Variants in CNTN3 observed in about 807,000 individuals in gnomAD.
CNTN3 encodes contactin 3.
In CNTN3, 60 loss-of-function variants were observed where a neutral mutation model predicts 119.1. The ratio of observed to expected loss-of-function variants is 0.50; its 90% CI spans 0.41 to 0.62. The LOEUF is 0.62. CNTN3 is among the 20% of genes least tolerant of loss of function. The pLI is 0.00. For synonymous variants in CNTN3, 450 were observed against 438.7 expected, an observed-to-expected ratio of 1.03 and a Z score of -0.32; for missense variants, 1,101 against 1,242.4, an observed-to-expected ratio of 0.89 and a Z score of 1.71.
chr3:74,409,155 C>T (rs1701396089), intron 5 of CNTN3, among the ~76,000 whole-genome samples: 1 of 152,152 alleles, frequency 6.6e-6, no homozygotes, highest in South Asian at 2.1e-4. Context: ...GACCAGAGCT[C>T]TTAGGTAAAC....
chr3:74,273,485 G>A (rs547514849), intron 20 of CNTN3, among the ~76,000 whole-genome samples: 4 of 152,302 alleles, frequency 2.6e-5, no homozygotes, highest in South Asian at 2.1e-4. Flanking sequence ...TACTGTGATT[G>A]CTCAAACTGT....
chr3:74,427,640 T>A (rs971019861), intron 4 of CNTN3, among the ~76,000 whole-genome samples: 2 of 152,098 alleles, frequency 1.3e-5, no homozygotes, highest in African/African-American at 4.8e-5. Flanking sequence ...ACAGCTATCA[T>A]CATATTTAAT....
intron 3 of CNTN3, among the ~76,000 whole-genome samples, chr3:74,499,117 G>C (rs1204843210): frequency 6.6e-6 from 1 of 151,310 alleles, no homozygotes. Context: ...TCAGTGAAGA[G>C]CAATTGTTTA....
intron 17 of CNTN3, 33 bp downstream of exon 17, chr3:74,299,835 C>A (rs775833815): frequency 3.2e-5 from 50 of 1,575,234 alleles, no homozygotes; most frequent in Admixed American, 2.3e-4. Flanking sequence ...AACAGCAAGA[C>A]CCTGATGGGG....
chr3:74,307,093 G>A (rs1187776834), intron 13 of CNTN3, among the ~76,000 whole-genome samples: 1 of 152,078 alleles, frequency 6.6e-6, no homozygotes, highest in Non-Finnish European at 1.5e-5. Context: ...AACTACACTA[G>A]GGTACTTAGG....
chr3:74,438,196 G>A (rs1701903919), intron 4 of CNTN3, among the ~76,000 whole-genome samples: 1 of 152,110 alleles, frequency 6.6e-6, no homozygotes, highest in Non-Finnish European at 1.5e-5. Flanking sequence ...TTTTAATAGT[G>A]TAGATTAAAA....
intron 2 of CNTN3, among the ~76,000 whole-genome samples, chr3:74,506,667 T>C (rs1703265977): frequency 6.6e-6 from 1 of 150,866 alleles, no homozygotes; most frequent in Non-Finnish European, 1.5e-5. Context: ...AAAGTTAGAA[T>C]GCCATTGTTG....
chr3:74,501,325 C>G (rs1703163224), intron 2 of CNTN3, among the ~76,000 whole-genome samples: 1 of 151,964 alleles, frequency 6.6e-6, no homozygotes, highest in African/African-American at 2.4e-5. Context: ...CAATAAATAA[C>G]TCTAGACACG....
intron 1 of CNTN3, among the ~76,000 whole-genome samples, chr3:74,563,750 G>A (rs150308136): frequency 2.0e-5 from 3 of 152,050 alleles, no homozygotes; most frequent in Non-Finnish European, 4.4e-5. Context: ...GCACAGTTGT[G>A]GTGGTACTAT....
intron 1 of CNTN3, among the ~76,000 whole-genome samples, chr3:74,590,159 G>A (rs534388389): frequency 6.6e-6 from 1 of 150,848 alleles, no homozygotes; most frequent in Non-Finnish European, 1.5e-5. Context: ...AAAAACTCCA[G>A]GACCTCACTC....
chr3:74,344,376 C>A (rs865813753), intron 11 of CNTN3, among the ~76,000 whole-genome samples: 1 of 134,790 alleles, frequency 7.4e-6, no homozygotes, highest in African/African-American at 2.7e-5. Flanking sequence ...TTAAGTAGTT[C>A]ATTTACAACC....
rs1319007837 is a variant in CNTN3 at position 74,285,298 on chromosome 3, T to C, written c.2704+7A>G. On this transcript the variant is annotated splice_region_variant and intron_variant, in intron 20 of 22. Coordinates refer to ENST00000263665, the MANE Select transcript of CNTN3 (RefSeq NM_020872.3). ...CGTACCATTCAAAGAAATCAGAATA[T>C]ACTTACGCGTTTTCTTGGTGGTTAC... 5 of 1,597,646 alleles carry C rather than the reference T, an allele frequency of 3.1e-6. No homozygotes were observed. The highest frequency in any genetic ancestry group is 4.3e-6 in the Non-Finnish European group (5 of 1,174,162).
In CNTN3 at chr3:74,614,461, C is replaced by T. The variant is rs1290948646; in HGVS notation, c.-151G>A. ...CCGCCGCCGCCGCCGCCGCCGCCGC[C>T]GCCACCGCCGCCGCCGCAGTTAGTC... On this transcript the variant is annotated 5_prime_UTR_variant, in exon 1 of 23. Transcript: ENST00000263665. Among the ~76,000 whole-genome samples the T allele has an allele frequency of 7.0e-6, 1 of 142,570 alleles. No homozygotes were observed. The highest frequency in any genetic ancestry group is 6.9e-5 in the Admixed American group (1 of 14,568). The allele number at this position is 142,570 out of a possible 152,430, so 93.5% of individuals were successfully genotyped here. A position where few individuals can be genotyped will look rare whatever the true frequency, so the allele number is the denominator to read the frequency against.
chr3:74,477,526 C>T (rs566447029), intron 4 of CNTN3, among the ~76,000 whole-genome samples: 3 of 152,002 alleles, frequency 2.0e-5, no homozygotes, highest in Admixed American at 2.0e-4. Context: ...TTTGTGGGAT[C>T]TAAAAATAAA....
At chr3:74,524,800 C>T (rs926012859) in intron 1 of CNTN3, among the ~76,000 whole-genome samples, 1 of 151,794 alleles carries the variant, frequency 6.6e-6, no homozygotes, top group Admixed American at 6.6e-5. Context: ...AGTATGCATG[C>T]CCTACTGCTG....
chr3:74,294,162 T>C (rs1047194066), intron 19 of CNTN3, among the ~76,000 whole-genome samples: 1 of 152,090 alleles, frequency 6.6e-6, no homozygotes, highest in Admixed American at 6.6e-5. Context: ...TCAGGGAAGC[T>C]TGGAGGGAAG....
At position 74,538,544 on chromosome 3, in the gene CNTN3, C is replaced by G. The variant is rs79914253; in HGVS notation, c.-80-17352G>C. ...ACAAAAAGGATGGATTCCAACGTAT[C>G]CTACTAAAAGTCTTTCTGTTTAATG... On this transcript the variant is annotated intron_variant, in intron 1 of 22. Coordinates refer to ENST00000263665, the MANE Select transcript of CNTN3 (RefSeq NM_020872.3). 2.9e-3 allele frequency among the ~76,000 whole-genome samples: 434 copies of G among 152,202 alleles called. 2 individuals are homozygous for G. The highest frequency in any genetic ancestry group is 9.9e-3 in the African/African-American group (413 of 41,536).
rs886111936 is a variant in CNTN3 at position 74,368,803 on chromosome 3, GT to G, written c.946+385del. Among the ~76,000 whole-genome samples, 98 of 145,406 alleles carry G rather than the reference GT, an allele frequency of 6.7e-4. No homozygotes were observed. The Middle Eastern group carries it at 0.014, about 22-fold the overall frequency. ...TAATTGCAACTTTTCCCAAAAGGCA[GT>G]TTTTTTTTTTTCTCTTTAGTAGAGG... On this transcript the variant is annotated intron_variant, in intron 8 of 22. Coordinates refer to ENST00000263665, the MANE Select transcript of CNTN3 (RefSeq NM_020872.3).
chr3:74,485,720 TAAAG>T (rs1322874513), intron 4 of CNTN3, among the ~76,000 whole-genome samples: 1 of 136,036 alleles, frequency 7.4e-6, no homozygotes, highest in African/African-American at 2.8e-5. Context: ...ACAACTAAAA[TAAAG>T]AGAGACTAAT....
Sources: allele counts gnomAD v4.1 joint callset (sites outside exome capture counted in the v4.1 genomes callset), GRCh38; gene constraint gnomAD v4.1.1; transcripts MANE v1.5; gene names NCBI Gene and HGNC (gene_info 2026-07-23, HGNC 2026-07-21).